Variants in ST6GALNAC3 observed in about 807,000 individuals in gnomAD.
ST6GALNAC3 encodes ST6 N-acetylgalactosaminide alpha-2,6-sialyltransferase 3, also known as alpha-N-acetylgalactosaminide alpha-2,6-sialyltransferase 3.
In ST6GALNAC3, 25 loss-of-function variants were observed where a neutral mutation model predicts 32.7. That is an observed-to-expected ratio of 0.76 (90% CI 0.56 to 1.07). The LOEUF (loss-of-function observed/expected upper bound fraction) is 1.07, where lower values mean the gene tolerates loss of function less well. ST6GALNAC3 is among the 50% of genes least tolerant of loss of function. ST6GALNAC3 has a pLI of 0.00. For missense variants in ST6GALNAC3, 355 were observed against 382.4 expected, an observed-to-expected ratio of 0.93 and a Z score of 0.60; for synonymous variants, 129 against 133.1, an observed-to-expected ratio of 0.97 and a Z score of 0.21.
chr1:76,083,051 T>C (rs375631570), intron 1 of ST6GALNAC3, among the ~76,000 whole-genome samples: 55 of 152,202 alleles, frequency 3.6e-4, no homozygotes, highest in African/African-American at 1.3e-3. Context: ...TCTTAGTGAA[T>C]TTATTGGCTG....
chr1:76,263,785 A>C (rs1658377075), intron 1 of ST6GALNAC3, among the ~76,000 whole-genome samples: 1 of 152,124 alleles, frequency 6.6e-6, no homozygotes, highest in African/African-American at 2.4e-5. Context: ...AGAATCACTT[A>C]TTAAACCAAA....
Position 76,632,123 on chromosome 1 carries a change from T to C in ST6GALNAC3, c.*3317T>C, listed in dbSNP as rs1649326781. ...ATATAAAAGCATATATATAATCCTA[T>C]ATTCTTCACTGGTGCATGTGAATCA... On this transcript the variant is annotated 3_prime_UTR_variant, in exon 5 of 5. Coordinates refer to ENST00000328299, the MANE Select transcript of ST6GALNAC3 (RefSeq NM_152996.4). 1.3e-5 allele frequency: 2 copies of C among 152,120 alleles called. No individual in the cohort carries two copies. Among genetic ancestry groups the C allele is most frequent in the South Asian group, 4.1e-4 (2 of 4,832 alleles). 9.4% of individuals were successfully genotyped at this position (152,120 alleles called of 1,614,324 possible).
intron 1 of ST6GALNAC3, among the ~76,000 whole-genome samples, chr1:76,263,745 C>T (rs1658374637): frequency 6.6e-6 from 1 of 152,216 alleles, no homozygotes; most frequent in African/African-American, 2.4e-5. Context: ...TCCTCCCTGG[C>T]AGTCGCCATG....
At chr1:76,521,632 C>T (rs549029098) in intron 3 of ST6GALNAC3, among the ~76,000 whole-genome samples, 6 of 152,192 alleles carry the variant, frequency 3.9e-5, no homozygotes, top group Admixed American at 2.6e-4. Flanking sequence ...AAGAAGTTGA[C>T]TTAATATTTC....
At chr1:76,522,167 T>A (rs1045228773) in intron 3 of ST6GALNAC3, among the ~76,000 whole-genome samples, 3 of 152,264 alleles carry the variant, frequency 2.0e-5, no homozygotes, top group South Asian at 4.1e-4. Context: ...ATCTTATTTC[T>A]GCTCCTTCAA....
At chr1:76,286,913 C>T (rs1425285701) in intron 1 of ST6GALNAC3, among the ~76,000 whole-genome samples, 1 of 152,066 alleles carries the variant, frequency 6.6e-6, no homozygotes, top group African/African-American at 2.4e-5. Context: ...TATACAAGAC[C>T]CAGTAAGATA....
intron 1 of ST6GALNAC3, among the ~76,000 whole-genome samples, chr1:76,094,089 C>A (rs987843509): frequency 6.6e-6 from 1 of 152,146 alleles, no homozygotes; most frequent in Non-Finnish European, 1.5e-5. Flanking sequence ...GGGCAACTGA[C>A]GTTCTGACAG....
At chr1:76,579,733 A>G (rs893291389) in intron 3 of ST6GALNAC3, among the ~76,000 whole-genome samples, 3 of 152,026 alleles carry the variant, frequency 2.0e-5, no homozygotes, top group Admixed American at 6.6e-5. Context: ...ATATAGCTTA[A>G]TATGTTCTTT....
intron 3 of ST6GALNAC3, among the ~76,000 whole-genome samples, chr1:76,433,112 C>G (rs1655891664): frequency 6.6e-6 from 1 of 152,084 alleles, no homozygotes; most frequent in Non-Finnish European, 1.5e-5. Flanking sequence ...TTGCCTCTGA[C>G]ACACTTTTTA....
At chr1:76,147,058 C>T (rs1266778316) in intron 1 of ST6GALNAC3, among the ~76,000 whole-genome samples, 2 of 149,632 alleles carry the variant, frequency 1.3e-5, no homozygotes, top group South Asian at 4.2e-4. Flanking sequence ...ATCACTCCCC[C>T]CACTTCTTTT....
rs182042542 is a variant in ST6GALNAC3, at chr1:76,454,754, A to G, written c.623+42337A>G. Among the ~76,000 whole-genome samples the G allele has an allele frequency of 2.0e-4, 31 of 152,232 alleles. 1 individual carries two copies. In the East Asian group the frequency reaches 5.4e-3, roughly 27 times the overall value. The stretch of plus-strand genomic sequence containing the variant: ...CTTGACTTTAGATACCCTGATGACT[A>G]TGTGCCTAGACAATGATCTTTTTGC... On this transcript the variant is annotated intron_variant, in intron 3 of 4. Coordinates refer to ENST00000328299, the MANE Select transcript of ST6GALNAC3 (RefSeq NM_152996.4).
At chr1:76,350,528 G>A (rs1292083821) in intron 2 of ST6GALNAC3, among the ~76,000 whole-genome samples, 1 of 152,130 alleles carries the variant, frequency 6.6e-6, no homozygotes, top group Non-Finnish European at 1.5e-5. Flanking sequence ...ACATTAGTTT[G>A]AATCCGATTT....
At chr1:76,420,382 C>G (rs552247589) in intron 3 of ST6GALNAC3, among the ~76,000 whole-genome samples, 2 of 152,144 alleles carry the variant, frequency 1.3e-5, no homozygotes, top group East Asian at 3.9e-4. Context: ...TATTCCTTAG[C>G]AAATTAATAA....
intron 1 of ST6GALNAC3, among the ~76,000 whole-genome samples, chr1:76,235,050 G>C (rs534877225): frequency 6.6e-6 from 1 of 152,158 alleles, no homozygotes; most frequent in East Asian, 1.9e-4. Context: ...CCTCACATTT[G>C]GGCACTGCTG....
At chr1:76,505,895 G>A (rs1306038360) in intron 3 of ST6GALNAC3, among the ~76,000 whole-genome samples, 5 of 152,034 alleles carry the variant, frequency 3.3e-5, no homozygotes, top group Admixed American at 6.6e-5. Flanking sequence ...GAACAGTGTC[G>A]ATTTGGCCAT....
intron 3 of ST6GALNAC3, among the ~76,000 whole-genome samples, chr1:76,452,073 G>C (rs1164212596): frequency 6.6e-6 from 1 of 152,000 alleles, no homozygotes; most frequent in African/African-American, 2.4e-5. Context: ...ATGGTGATAT[G>C]GTTTGGCTGT....
chr1:76,610,237 G>C (rs1039976228), intron 3 of ST6GALNAC3, among the ~76,000 whole-genome samples: 7 of 152,186 alleles, frequency 4.6e-5, no homozygotes, highest in African/African-American at 1.4e-4. Context: ...CTGGTTGTCA[G>C]TGAGCTTGTA....
intron 1 of ST6GALNAC3, among the ~76,000 whole-genome samples, chr1:76,202,171 T>G (rs1227330061): frequency 1.3e-5 from 2 of 151,778 alleles, no homozygotes; most frequent in Non-Finnish European, 2.9e-5. Context: ...CAGGTTTAAC[T>G]CAAAGGCAGT....
chr1:76,462,785 G>T (rs538949843), intron 3 of ST6GALNAC3, among the ~76,000 whole-genome samples: 1 of 152,098 alleles, frequency 6.6e-6, no homozygotes. Context: ...AATATCATAC[G>T]TGCAGCCATG....
Sources: gnomAD v4.1 joint callset for allele counts (sites outside exome capture counted in the v4.1 genomes callset) on GRCh38, gnomAD v4.1.1 for gene constraint, MANE v1.5 for transcripts, NCBI Gene and HGNC (gene_info 2026-07-23, HGNC 2026-07-21) for gene names.